Variants in ST6GALNAC3 observed in about 807,000 individuals in gnomAD.
ST6GALNAC3 encodes the protein alpha-N-acetylgalactosaminide alpha-2,6-sialyltransferase 3.
In ST6GALNAC3, 25 loss-of-function variants were observed where a neutral mutation model predicts 32.7. The ratio of observed to expected loss-of-function variants is 0.76; its 90% CI spans 0.56 to 1.07. The LOEUF is 1.07. Ranked by LOEUF, ST6GALNAC3 falls within the 50% of genes least tolerant of loss-of-function variation. The pLI, the probability that ST6GALNAC3 is intolerant of heterozygous loss-of-function variation, is 0.00. For missense variants in ST6GALNAC3, 355 were observed against 382.4 expected, an observed-to-expected ratio of 0.93 and a Z score of 0.60; for synonymous variants, 129 against 133.1, an observed-to-expected ratio of 0.97 and a Z score of 0.21.
intron 2 of ST6GALNAC3, among the ~76,000 whole-genome samples, chr1:76,320,217 T>A (rs925213845): frequency 1.3e-5 from 2 of 152,124 alleles, no homozygotes; most frequent in Admixed American, 6.5e-5. Flanking sequence ...AGAATATGTA[T>A]TGTGCATTTT....
At chr1:76,180,436 G>A (rs1432318333) in intron 1 of ST6GALNAC3, among the ~76,000 whole-genome samples, 1 of 152,092 alleles carries the variant, frequency 6.6e-6, no homozygotes, top group Non-Finnish European at 1.5e-5. Flanking sequence ...GGAAATACTG[G>A]GTGGAAGAGG....
intron 1 of ST6GALNAC3, among the ~76,000 whole-genome samples, chr1:76,235,440 G>A (rs970424678): frequency 6.6e-6 from 1 of 152,102 alleles, no homozygotes; most frequent in Non-Finnish European, 1.5e-5. Context: ...CTGAGAGATC[G>A]AGGCTGCAGT....
chr1:76,434,543 G>C (rs999262201), intron 3 of ST6GALNAC3, among the ~76,000 whole-genome samples: 3 of 152,088 alleles, frequency 2.0e-5, no homozygotes, highest in Admixed American at 6.6e-5. Flanking sequence ...GAGGAATGTA[G>C]ACATATTAAC....
At chr1:76,182,076 A>C (rs2100464587) in intron 1 of ST6GALNAC3, among the ~76,000 whole-genome samples, 1 of 152,294 alleles carries the variant, frequency 6.6e-6, no homozygotes, top group African/African-American at 2.4e-5. Flanking sequence ...GTCTAATATC[A>C]AACTTACTCT....
chr1:76,519,274 C>T (rs1662366341), intron 3 of ST6GALNAC3, among the ~76,000 whole-genome samples: 1 of 152,016 alleles, frequency 6.6e-6, no homozygotes, highest in Non-Finnish European at 1.5e-5. Flanking sequence ...TCAGCCTTCA[C>T]ACATTAAAGA....
chr1:76,100,126 CTT>C (rs1256113013), intron 1 of ST6GALNAC3, among the ~76,000 whole-genome samples: 1 of 152,060 alleles, frequency 6.6e-6, no homozygotes, highest in Non-Finnish European at 1.5e-5. Flanking sequence ...GCTATATTGA[CTT>C]ATTAATTTTA....
rs148740974 is a variant in ST6GALNAC3, at chr1:76,463,011, T to C, written c.623+50594T>C. On this transcript the variant is annotated intron_variant, in intron 3 of 4. Transcript: ENST00000328299. ...TCAAACACCCCTTGCTCTGCTAAAG[T>C]AGTTCCTAAAGTCTTATATTTTGTA... is the stretch of plus-strand genomic sequence containing the variant. 5.9e-3 allele frequency among the ~76,000 whole-genome samples: 898 copies of C among 152,318 alleles called. 6 individuals are homozygous for C. Among genetic ancestry groups the C allele is most frequent in the African/African-American group, 0.021 (859 of 41,582 alleles).
chr1:76,454,253 T>A (rs1429984720), intron 3 of ST6GALNAC3, among the ~76,000 whole-genome samples: 5 of 152,176 alleles, frequency 3.3e-5, no homozygotes, highest in Non-Finnish European at 7.4e-5. Context: ...TTACCTTTTA[T>A]GTGGAACATT....
chr1:76,461,374 C>T (rs1288690032), intron 3 of ST6GALNAC3, among the ~76,000 whole-genome samples: 1 of 152,194 alleles, frequency 6.6e-6, no homozygotes, highest in Non-Finnish European at 1.5e-5. Context: ...CTATTTTATA[C>T]ATCTCTAAGT....
intron 1 of ST6GALNAC3, among the ~76,000 whole-genome samples, chr1:76,135,011 A>T (rs1291229324): frequency 6.6e-6 from 1 of 151,992 alleles, no homozygotes; most frequent in East Asian, 1.9e-4. Context: ...GCGTGGTGGC[A>T]TGCACCTGTA....
chr1:76,416,793 A>C (rs911268632), intron 3 of ST6GALNAC3, among the ~76,000 whole-genome samples: 2 of 151,548 alleles, frequency 1.3e-5, no homozygotes, highest in Admixed American at 1.3e-4. Flanking sequence ...ATGCCTGGCT[A>C]ATTTTTGTAT....
intron 3 of ST6GALNAC3, among the ~76,000 whole-genome samples, chr1:76,475,669 G>T (rs955237307): frequency 2.6e-5 from 4 of 152,098 alleles, no homozygotes; most frequent in Non-Finnish European, 5.9e-5. Flanking sequence ...GGGTACAAAT[G>T]TTGTTGTTTC....
chr1:76,466,378 C>A (rs1658630216), intron 3 of ST6GALNAC3, among the ~76,000 whole-genome samples: 1 of 152,020 alleles, frequency 6.6e-6, no homozygotes, highest in Admixed American at 6.6e-5. Flanking sequence ...CACAGAGAAT[C>A]CTGCACATAG....
intron 3 of ST6GALNAC3, among the ~76,000 whole-genome samples, chr1:76,472,784 G>A (rs1281939808): frequency 6.6e-6 from 1 of 152,080 alleles, no homozygotes; most frequent in Non-Finnish European, 1.5e-5. Flanking sequence ...ACAGCAAGTT[G>A]AGACTACTTT....
intron 1 of ST6GALNAC3, among the ~76,000 whole-genome samples, chr1:76,266,796 A>C (rs1395189109): frequency 1.3e-5 from 2 of 152,120 alleles, no homozygotes; most frequent in East Asian, 3.9e-4. Flanking sequence ...GAATGTTGGG[A>C]ATTACCTGAA....
At chr1:76,306,017 C>G (rs979367712) in intron 1 of ST6GALNAC3, 5 of 475,452 alleles carry the variant, frequency 1.1e-5, no homozygotes, top group African/African-American at 9.9e-5. Flanking sequence ...AAACTGGTAC[C>G]AGCCTTAGGT....
intron 1 of ST6GALNAC3, among the ~76,000 whole-genome samples, chr1:76,114,601 A>G (rs1051069095): frequency 6.6e-6 from 1 of 152,210 alleles, no homozygotes; most frequent in Non-Finnish European, 1.5e-5. Context: ...AAAGACCTAC[A>G]TGGGAAGAAC....
intron 3 of ST6GALNAC3, among the ~76,000 whole-genome samples, chr1:76,467,190 T>G (rs1165490834): frequency 6.6e-6 from 1 of 152,078 alleles, no homozygotes; most frequent in Non-Finnish European, 1.5e-5. Flanking sequence ...TGGGGATTTT[T>G]AATGTTGGCA....
intron 2 of ST6GALNAC3, among the ~76,000 whole-genome samples, chr1:76,375,668 A>C (rs1238385792): frequency 6.6e-6 from 1 of 152,216 alleles, no homozygotes. Flanking sequence ...AATTTCAGTG[A>C]TCACAGGCTC....
Sources: gnomAD v4.1 joint callset for allele counts (sites outside exome capture counted in the v4.1 genomes callset) on GRCh38, gnomAD v4.1.1 for gene constraint, MANE v1.5 for transcripts, NCBI Gene and HGNC (gene_info 2026-07-23, HGNC 2026-07-21) for gene names.